Variants in GPALPP1 observed in about 807,000 individuals in gnomAD.
GPALPP1 encodes GPALPP motifs containing 1.
In GPALPP1, 30 loss-of-function variants were observed where a neutral mutation model predicts 38.9. The observed-to-expected ratio is 0.77, with a 90% confidence interval of 0.58 to 1.05. The LOEUF (loss-of-function observed/expected upper bound fraction) is 1.05, where lower values mean the gene tolerates loss of function less well. Among genes scored for constraint, GPALPP1 ranks in the 50% least tolerant of loss-of-function variants. The pLI, the probability that GPALPP1 is intolerant of heterozygous loss-of-function variation, is 0.00. For missense variants in GPALPP1, 384 were observed against 408.8 expected, an observed-to-expected ratio of 0.94 and a Z score of 0.52; for synonymous variants, 120 against 139.2, an observed-to-expected ratio of 0.86 and a Z score of 0.97.
chr13:45,035,146 C>G (rs1022961572), downstream of GPALPP1: 1 of 152,428 alleles, frequency 6.6e-6, no homozygotes, highest in African/African-American at 2.4e-5. Context: ...TTAGTAGAGA[C>G]GGGGTTTCAC....
intron 1 of GPALPP1, among the ~76,000 whole-genome samples, chr13:45,003,592 G>C (rs1012859054): frequency 1.3e-5 from 2 of 152,182 alleles, no homozygotes; most frequent in African/African-American, 2.4e-5. Flanking sequence ...GGACAGTTGT[G>C]TCTGTGTGAC....
intron 1 of GPALPP1, among the ~76,000 whole-genome samples, chr13:44,999,224 A>C (rs1203858981): frequency 6.6e-6 from 1 of 152,152 alleles, no homozygotes. Flanking sequence ...TTCATCTGTT[A>C]ATGCTGATCT....
intron 1 of GPALPP1, chr13:44,990,074 GTACGCCC>G (rs1872678843): frequency 3.9e-6 from 2 of 510,864 alleles, no homozygotes; most frequent in African/African-American, 3.9e-5. Context: ...TTGCAAATGG[GTACGCCC>G]AAGCCCATGC....
rs1436916009 is a variant in GPALPP1, at chr13:45,020,357, A to C, written c.733A>C (p.Ser245Arg). The C allele has an allele frequency of 2.0e-6, 3 of 1,512,600 alleles. No individual in the cohort carries two copies. The highest frequency in any genetic ancestry group is 2.8e-6 in the Non-Finnish European group (3 of 1,088,576). The allele number at this position is 1,512,600 out of a possible 1,614,324, so 93.7% of individuals were successfully genotyped here. A position where few individuals can be genotyped will look rare whatever the true frequency, so the allele number is the denominator to read the frequency against. The part of the protein sequence containing the change: ...KETQEARKSS[S>R]KKDEEHILSG... ...AACACAAGAAGCAAGGAAGTCATCC[A>C]GTAAGAAAGATGAAGAACATATATT... Residue 245 changes from serine (S) to arginine (R), a missense_variant, in exon 7 of 8, where the codon AGT becomes CGT. Physicochemically the swap from Ser to Arg is moderately radical, Grantham distance 110. Transcript: ENST00000379151.
At chr13:45,006,385 A>G in intron 3 of GPALPP1, 82 bp downstream of exon 3, 3 of 688,172 alleles carry the variant, frequency 4.4e-6, no homozygotes, top group Non-Finnish European at 7.4e-6. Flanking sequence ...GAATTGTCTG[A>G]AATTATGTTT....
At chr13:45,004,565 G>T in intron 2 of GPALPP1, 128 bp downstream of exon 2, 1 of 602,180 alleles carries the variant, frequency 1.7e-6, no homozygotes, top group Non-Finnish European at 2.9e-6. Flanking sequence ...CATTTTGTGT[G>T]GCATTTCATC....
downstream of GPALPP1, chr13:45,035,251 CG>C (rs753039743): frequency 2.0e-5 from 3 of 152,430 alleles, no homozygotes; most frequent in Non-Finnish European, 2.9e-5. Context: ...CCACCGCCCC[CG>C]GCCTCCAATG....
chr13:45,002,031 T>G (rs1372318628), intron 1 of GPALPP1: 1 of 152,486 alleles, frequency 6.6e-6, no homozygotes, highest in African/African-American at 2.4e-5. Context: ...TGCTGATCTC[T>G]CTTGTCTATT....
At chr13:45,001,588 T>A (rs1026570868) in intron 1 of GPALPP1, 6 of 152,006 alleles carry the variant, frequency 3.9e-5, no homozygotes, top group Non-Finnish European at 7.4e-5. Context: ...GACCTATCCT[T>A]GGTTCCTTTT....
chr13:45,012,728 AT>A (rs1485047210), intron 4 of GPALPP1, among the ~76,000 whole-genome samples: 1 of 152,124 alleles, frequency 6.6e-6, no homozygotes, highest in Non-Finnish European at 1.5e-5. Flanking sequence ...TCTTGCTCTG[AT>A]TGTTTGCCTT....
chr13:45,034,323 A>G (rs879498116), downstream of GPALPP1: 2 of 152,200 alleles, frequency 1.3e-5, no homozygotes, highest in Non-Finnish European at 2.9e-5. Context: ...GAGAGCAGAA[A>G]AAGATCTGAG....
At chr13:45,008,953 C>T (rs1566077634) in intron 4 of GPALPP1, 74 bp downstream of exon 4, 1 of 870,804 alleles carries the variant, frequency 1.1e-6, no homozygotes, top group East Asian at 2.5e-5. Context: ...GTAACAAACT[C>T]CAAACTTTAT....
intron 6 of GPALPP1, among the ~76,000 whole-genome samples, chr13:45,017,043 C>A (rs1566080934): frequency 6.6e-6 from 1 of 152,256 alleles, no homozygotes; most frequent in Non-Finnish European, 1.5e-5. Flanking sequence ...CAGTTCCACA[C>A]TTAGTTCATT....
downstream of GPALPP1, chr13:45,031,660 CA>C (rs1876202759): frequency 1.3e-5 from 2 of 152,158 alleles, no homozygotes. Context: ...ATAATTTTAA[CA>C]AAATGTAAGG....
At chr13:44,992,165 G>A (rs1255603852) in intron 1 of GPALPP1, among the ~76,000 whole-genome samples, 3 of 152,086 alleles carry the variant, frequency 2.0e-5, no homozygotes, top group African/African-American at 7.2e-5. Context: ...CTAATATTTA[G>A]TTTTTTTCTT....
Position 45,006,311 on chromosome 13 carries a change from T to A in GPALPP1, c.323+8T>A. Reference sequence around the variant, plus strand: ...GGATGATTCTCCTCCAAGGTGATAATGTGTAATATTTTAGGCCAGTCTTTC... The same window carrying A: ...GGATGATTCTCCTCCAAGGTGATAAAGTGTAATATTTTAGGCCAGTCTTTC... On this transcript the variant is annotated splice_region_variant and intron_variant, in intron 3 of 7. Transcript: ENST00000379151. 7.0e-7 allele frequency: 1 copy of A among 1,420,296 alleles called. No individual in the cohort carries two copies. Among genetic ancestry groups the A allele is most frequent in the Non-Finnish European group, 9.9e-7 (1 of 1,013,002 alleles). The allele number at this position is 1,420,296 out of a possible 1,614,324, so 88.0% of individuals were successfully genotyped here.
chr13:45,015,409 T>C, intron 5 of GPALPP1, 23 bp from the exon 6 acceptor site: 2 of 1,477,640 alleles, frequency 1.4e-6, no homozygotes, highest in Non-Finnish European at 1.8e-6. Flanking sequence ...CTTTCTATGC[T>C]GTGTTTTTTT....
rs373915279 is a variant in GPALPP1, at chr13:45,015,637, G to C, written c.705+41G>C. 4 of 1,325,496 alleles carry C rather than the reference G, an allele frequency of 3.0e-6. No individual in the cohort carries two copies. In the African/African-American group the frequency reaches 4.5e-5, roughly 15 times the overall value. 82.1% of individuals were successfully genotyped at this position (1,325,496 alleles called of 1,614,324 possible). The stretch of plus-strand genomic sequence containing the variant: ...TGTTTGTTCATGTATTTCTGTTCAT[G>C]TTGGCTGGATTTTGAAAAGATATAA... On this transcript the variant is annotated intron_variant, in intron 6 of 7. Transcript: ENST00000379151.
chr13:45,020,433 G>A lies in GPALPP1; in HGVS notation c.804+5G>A, dbSNP rs1168526706. 2.6e-6 allele frequency: 3 copies of A among 1,175,138 alleles called. No individual in the cohort carries two copies. The highest frequency in any genetic ancestry group is 3.4e-5 in the Admixed American group (2 of 58,760). 72.8% of individuals were successfully genotyped at this position (1,175,138 alleles called of 1,614,324 possible). A position where few individuals can be genotyped will look rare whatever the true frequency, so the allele number is the denominator to read the frequency against. On this transcript the variant is annotated splice_donor_5th_base_variant and intron_variant, in intron 7 of 7. Transcript: ENST00000379151. ...GAGCAGGTATCTTCATACAATGTAA[G>A]TAAGAAAATAAGATATATAGAGCCA... is the stretch of plus-strand genomic sequence containing the variant.
Sources: allele counts gnomAD v4.1 joint callset (sites outside exome capture counted in the v4.1 genomes callset), GRCh38; gene constraint gnomAD v4.1.1; transcripts MANE v1.5; gene names NCBI Gene and HGNC (gene_info 2026-07-23, HGNC 2026-07-21).